The following SLC13A3 variants were observed in gnomAD, a reference collection of about 807,000 sequenced individuals.
SLC13A3 encodes solute carrier family 13 member 3.
In SLC13A3, 40 loss-of-function variants were observed where a neutral mutation model predicts 59.0. The ratio of observed to expected loss-of-function variants is 0.68; its 90% CI spans 0.53 to 0.88. The LOEUF (loss-of-function observed/expected upper bound fraction) is 0.88, where lower values mean the gene tolerates loss of function less well. Among genes scored for constraint, SLC13A3 ranks in the 40% least tolerant of loss-of-function variants. SLC13A3 has a pLI of 0.00. For missense variants in SLC13A3, 699 were observed against 783.2 expected, an observed-to-expected ratio of 0.89 and a Z score of 1.28; for synonymous variants, 317 against 330.3, an observed-to-expected ratio of 0.96 and a Z score of 0.44.
chr20:46,577,047 A>G (rs1341186252), intron 9 of SLC13A3, among the ~76,000 whole-genome samples: 1 of 144,142 alleles, frequency 6.9e-6, no homozygotes, highest in African/African-American at 2.6e-5. Context: ...TATGAAGCCC[A>G]CAGGTGTATG....
chr20:46,589,085 AAGGCC>A, intron 7 of SLC13A3, 70 bp downstream of exon 7: 1 of 1,358,210 alleles, frequency 7.4e-7, no homozygotes, highest in Non-Finnish European at 1.0e-6. Context: ...CCATGGGCCC[AAGGCC>A]AGGCCAGGAG....
At chr20:46,630,722 C>A (rs1311002103) in intron 1 of SLC13A3, among the ~76,000 whole-genome samples, 2 of 152,224 alleles carry the variant, frequency 1.3e-5, no homozygotes, top group African/African-American at 4.8e-5. Context: ...TCAGAAAGTG[C>A]TGTTTTCTTT....
rs1369865976 is a variant in SLC13A3 at position 46,632,913 on chromosome 20, A to AGATAGACAGACAGATAGC, written c.111+18397_111+18398insGCTATCTGTCTGTCTATC. Among the ~76,000 whole-genome samples, 332 of 56,496 alleles carry AGATAGACAGACAGATAGC rather than the reference A, an allele frequency of 5.9e-3. 8 individuals are homozygous for AGATAGACAGACAGATAGC. Among genetic ancestry groups the AGATAGACAGACAGATAGC allele is most frequent in the Non-Finnish European group, 5.6e-3 (147 of 26,272 alleles). 37.1% of individuals were successfully genotyped at this position (56,496 alleles called of 152,430 possible). On this transcript the variant is annotated intron_variant, in intron 1 of 12. Transcript: ENST00000279027. ...GATAGATAGATAGATAGATAGATAT[A>AGATAGACAGACAGATAGC]TCTATCTATCTATCTATCTATCTAT...
intron 3 of SLC13A3, among the ~76,000 whole-genome samples, chr20:46,605,361 G>GGAA (rs2122724891): frequency 6.7e-6 from 1 of 150,308 alleles, no homozygotes; most frequent in Admixed American, 6.6e-5. Flanking sequence ...TGACCTCAGT[G>GGAA]GCCCAAGAGA....
intron 1 of SLC13A3, among the ~76,000 whole-genome samples, chr20:46,641,639 C>A: frequency 6.6e-6 from 1 of 152,106 alleles, no homozygotes; most frequent in East Asian, 1.9e-4. Context: ...GAGGCAGGAG[C>A]AAGCTTGGCA....
At chr20:46,569,989 G>A (rs1487328665) in intron 10 of SLC13A3, among the ~76,000 whole-genome samples, 1 of 152,164 alleles carries the variant, frequency 6.6e-6, no homozygotes, top group Admixed American at 6.5e-5. Context: ...AACACAACGG[G>A]CTCGGCTGTG....
rs751171387 is a variant in SLC13A3, at chr20:46,560,013, C to G, written c.*9G>C. ...AGGGTTCAGCCTCAAGGGAGTCCTCCAGGGGGACTCAGAGGGTCCGAAATG... is the reference window on the plus strand; with the variant it reads ...AGGGTTCAGCCTCAAGGGAGTCCTCGAGGGGGACTCAGAGGGTCCGAAATG... On this transcript the variant is annotated 3_prime_UTR_variant, in exon 13 of 13. Coordinates refer to ENST00000279027, the MANE Select transcript of SLC13A3 (RefSeq NM_022829.6). The G allele has an allele frequency of 6.2e-7, 1 of 1,613,352 alleles. No individual in the cohort carries two copies. The highest frequency in any genetic ancestry group is 1.3e-5 in the African/African-American group (1 of 74,924).
intron 1 of SLC13A3, among the ~76,000 whole-genome samples, chr20:46,622,621 CGTGTGTGTGTGT>C (rs11469544): frequency 0.11 from 14,450 of 134,002 alleles, 1,472 homozygotes; most frequent in African/African-American, 0.27. Flanking sequence ...GTGGTGTGTG[CGTGTGTGTGTGT>C]GTGTGTGTGT....
chr20:46,664,894 T>A (rs1296888151), intron 1 of SLC13A3, among the ~76,000 whole-genome samples: 1 of 152,080 alleles, frequency 6.6e-6, no homozygotes, highest in African/African-American at 2.4e-5. Context: ...CTTAGCATCA[T>A]CAAGGAACTG....
upstream of SLC13A3, among the ~76,000 whole-genome samples, chr20:46,674,591 G>A (rs112398118): frequency 0.012 from 870 of 70,798 alleles, 6 homozygotes; most frequent in African/African-American, 0.036. Context: ...TGGGGAGTGC[G>A]CGCGCGCGCG....
intron 1 of SLC13A3, among the ~76,000 whole-genome samples, chr20:46,669,265 A>AC (rs1433829330): frequency 6.6e-6 from 1 of 151,506 alleles, no homozygotes; most frequent in Non-Finnish European, 1.5e-5. Context: ...CTTGTGTTCC[A>AC]CCCCCCTCGT....
intron 1 of SLC13A3, among the ~76,000 whole-genome samples, chr20:46,683,180 T>C (rs149405696): frequency 0.013 from 2,003 of 152,232 alleles, 39 homozygotes; most frequent in African/African-American, 0.046. Context: ...TAGGCAGATA[T>C]TCAGGGCAAA....
At chr20:46,651,503 C>T (rs1296335773), upstream of SLC13A3, 7 of 707,522 alleles carry the variant, frequency 9.9e-6, no homozygotes, top group East Asian at 3.4e-4. Context: ...GGGGGAGGGT[C>T]GGGGAGGGGA....
intron 8 of SLC13A3, 48 bp from the exon 9 acceptor site, chr20:46,583,717 G>A (rs1600518167): frequency 1.2e-6 from 2 of 1,609,314 alleles, no homozygotes; most frequent in East Asian, 2.2e-5. Context: ...ATCTCAGCGG[G>A]CCGAGGTTTG....
intron 1 of SLC13A3, among the ~76,000 whole-genome samples, chr20:46,641,858 G>C (rs1403998041): frequency 6.6e-6 from 1 of 152,100 alleles, no homozygotes; most frequent in Non-Finnish European, 1.5e-5. Context: ...AACCAATCGA[G>C]ACCCCATACT....
At chr20:46,568,833 G>A (rs1371698994) in intron 10 of SLC13A3, among the ~76,000 whole-genome samples, 5 of 152,236 alleles carry the variant, frequency 3.3e-5, no homozygotes, top group Non-Finnish European at 7.3e-5. Context: ...CTGAGTGACC[G>A]GGCTTCCAGC....
At chr20:46,594,451 C>T (rs1237809051) in intron 5 of SLC13A3, among the ~76,000 whole-genome samples, 2 of 152,140 alleles carry the variant, frequency 1.3e-5, no homozygotes, top group Non-Finnish European at 2.9e-5. Context: ...AGGCTCTGCT[C>T]TCCATCCCCA....
chr20:46,566,823 T>C lies in SLC13A3; in HGVS notation c.1333-433A>G, dbSNP rs188119438. 1.2e-3 allele frequency among the ~76,000 whole-genome samples: 174 copies of C among 149,824 alleles called. 1 individual carries two copies. Among genetic ancestry groups the C allele is most frequent in the Non-Finnish European group, 1.1e-3 (72 of 67,556 alleles). On this transcript the variant is annotated intron_variant, in intron 10 of 12. Coordinates refer to ENST00000279027, the MANE Select transcript of SLC13A3 (RefSeq NM_022829.6). ...TTTTTATAATTATTATTTAATAATA[T>C]ATTAATATGTATGAAATATATATAC...
intron 9 of SLC13A3, among the ~76,000 whole-genome samples, chr20:46,578,917 A>G (rs1277889339): frequency 2.0e-5 from 3 of 152,022 alleles, no homozygotes; most frequent in African/African-American, 4.8e-5. Context: ...CATCATCATC[A>G]TCATCATCAT....
Sources: allele counts gnomAD v4.1 joint callset (sites outside exome capture counted in the v4.1 genomes callset), GRCh38; gene constraint gnomAD v4.1.1; transcripts MANE v1.5; gene names NCBI Gene and HGNC (gene_info 2026-07-23, HGNC 2026-07-21).